The following TFCP2L1 variants were observed in gnomAD, a reference collection of about 807,000 sequenced individuals.
TFCP2L1 encodes the protein transcription factor CP2-like protein 1.
In TFCP2L1, 12 loss-of-function variants were observed where a neutral mutation model predicts 72.2. The observed-to-expected ratio is 0.17, with a 90% confidence interval of 0.11 to 0.27. The LOEUF is 0.27. Ranked by LOEUF, TFCP2L1 falls within the 10% of genes least tolerant of loss-of-function variation. The probability of loss-of-function intolerance (pLI) is 1.00; values close to 1 mark genes in which losing one functional copy is unlikely to be tolerated. For missense variants in TFCP2L1, 488 were observed against 624.6 expected, an observed-to-expected ratio of 0.78 and a Z score of 2.33; for synonymous variants, 260 against 251.0, an observed-to-expected ratio of 1.04 and a Z score of -0.34.
intron 2 of TFCP2L1, among the ~76,000 whole-genome samples, chr2:121,252,031 T>C (rs975196701): frequency 1.3e-5 from 2 of 152,128 alleles, no homozygotes; most frequent in African/African-American, 4.8e-5. Context: ...TATTCTATTG[T>C]ATTCTATTCC....
At chr2:121,242,916 T>G (rs557400567) in intron 6 of TFCP2L1, among the ~76,000 whole-genome samples, 2 of 152,346 alleles carry the variant, frequency 1.3e-5, no homozygotes, top group South Asian at 4.1e-4. Flanking sequence ...ACACTCTGTC[T>G]GCAGGGGAAC....
chr2:121,231,531 C>T (rs2104666712), intron 13 of TFCP2L1, among the ~76,000 whole-genome samples: 1 of 152,380 alleles, frequency 6.6e-6, no homozygotes, highest in African/African-American at 2.4e-5. Context: ...CCTCTCCTGA[C>T]CTCCACAGCC....
intron 2 of TFCP2L1, 101 bp from the exon 3 acceptor site, chr2:121,249,748 C>T: frequency 8.5e-7 from 1 of 1,181,196 alleles, no homozygotes; most frequent in East Asian, 2.3e-5. Flanking sequence ...CCCATCCAGG[C>T]CTCAAGGCCC....
intron 1 of TFCP2L1, among the ~76,000 whole-genome samples, chr2:121,284,119 T>A (rs1687318998): frequency 1.3e-5 from 2 of 152,252 alleles, no homozygotes; most frequent in African/African-American, 4.8e-5. Context: ...AAACTAGCAC[T>A]TAAAGGTAGC....
intron 2 of TFCP2L1, among the ~76,000 whole-genome samples, chr2:121,269,865 C>T (rs569212739): frequency 3.6e-5 from 5 of 140,274 alleles, no homozygotes; most frequent in South Asian, 2.3e-4. Context: ...GCAGAGATTG[C>T]GCCACTGCAC....
At chr2:121,245,286 G>A (rs755819854) in intron 6 of TFCP2L1, among the ~76,000 whole-genome samples, 4 of 152,136 alleles carry the variant, frequency 2.6e-5, no homozygotes, top group Non-Finnish European at 5.9e-5. Context: ...CAAGAGCCCC[G>A]CCCAGAGCCT....
chr2:121,271,892 A>T (rs1687054732), intron 2 of TFCP2L1, among the ~76,000 whole-genome samples: 1 of 152,096 alleles, frequency 6.6e-6, no homozygotes, highest in Admixed American at 6.6e-5. Context: ...GGAAAACAGG[A>T]GGGTTGGGGG....
At chr2:121,265,865 C>CTTT (rs559969459) in intron 2 of TFCP2L1, among the ~76,000 whole-genome samples, 1 of 131,614 alleles carries the variant, frequency 7.6e-6, no homozygotes, top group Non-Finnish European at 1.6e-5. Flanking sequence ...AAGTAGTAAT[C>CTTT]TTTTTTTTTT....
chr2:121,268,492 C>T (rs113252578), intron 2 of TFCP2L1, among the ~76,000 whole-genome samples: 5,250 of 152,078 alleles, frequency 0.035, 141 homozygotes, highest in East Asian at 0.14. Context: ...TGGCTGGGAC[C>T]ACAGGCGTGC....
intron 2 of TFCP2L1, among the ~76,000 whole-genome samples, chr2:121,280,778 A>G (rs927441019): frequency 4.0e-5 from 6 of 150,956 alleles, no homozygotes; most frequent in Admixed American, 6.6e-5. Context: ...GGAAAAAAAA[A>G]AAAAAAGAAA....
chr2:121,253,049 G>T lies in TFCP2L1; in HGVS notation c.215-3402C>A, dbSNP rs1295344183. On this transcript the variant is annotated intron_variant, in intron 2 of 14. Coordinates refer to ENST00000263707, the MANE Select transcript of TFCP2L1 (RefSeq NM_014553.3). ...CAACAATTTGATGCCAAATGCGGTG[G>T]GTGGGAATCCTAGGAACAGAGAGGC... is the stretch of plus-strand genomic sequence containing the variant. 3.9e-5 allele frequency among the ~76,000 whole-genome samples: 6 copies of T among 152,246 alleles called. No individual in the cohort carries two copies. The East Asian group carries it at 1.2e-3, about 29-fold the overall frequency.
At chr2:121,241,542 A>G (rs890825337) in intron 7 of TFCP2L1, among the ~76,000 whole-genome samples, 1 of 151,772 alleles carries the variant, frequency 6.6e-6, no homozygotes, top group Non-Finnish European at 1.5e-5. Context: ...CGAGCTCCTC[A>G]GGAGTTCCCA....
At position 121,218,470 on chromosome 2, in the gene TFCP2L1, G is replaced by A. The variant is rs1685872841; in HGVS notation, c.*5871C>T. ...GGATGAGGGGTGCGGAGCTGAGGATGTTGTTCTCTTTGATGAAGGCCTGAA... is the reference window on the plus strand; with the variant it reads ...GGATGAGGGGTGCGGAGCTGAGGATATTGTTCTCTTTGATGAAGGCCTGAA... On this transcript the variant is annotated 3_prime_UTR_variant, in exon 15 of 15. Coordinates refer to ENST00000263707, the MANE Select transcript of TFCP2L1 (RefSeq NM_014553.3). The A allele has an allele frequency of 6.6e-6, 1 of 152,504 alleles. No homozygotes were observed. Among genetic ancestry groups the A allele is most frequent in the Admixed American group, 6.5e-5 (1 of 15,284 alleles). The allele number at this position is 152,504 out of a possible 1,614,324, so 9.4% of individuals were successfully genotyped here. A position where few individuals can be genotyped will look rare whatever the true frequency, so the allele number is the denominator to read the frequency against.
chr2:121,282,033 A>G (rs1041091576), intron 1 of TFCP2L1, among the ~76,000 whole-genome samples: 4 of 151,986 alleles, frequency 2.6e-5, no homozygotes, highest in Admixed American at 2.6e-4. Flanking sequence ...CCCGGGTTCA[A>G]GCAATTCTTG....
chr2:121,257,714 C>A (rs1573383157), intron 2 of TFCP2L1, among the ~76,000 whole-genome samples: 1 of 152,236 alleles, frequency 6.6e-6, no homozygotes, highest in East Asian at 1.9e-4. Context: ...TCTGCCACTG[C>A]AGCCAGGAAG....
rs113899332 is a variant in TFCP2L1 at position 121,266,945 on chromosome 2, C to T, written c.214+14175G>A. On this transcript the variant is annotated intron_variant, in intron 2 of 14. Coordinates refer to ENST00000263707, the MANE Select transcript of TFCP2L1 (RefSeq NM_014553.3). ...TATTTATTTTTGAGATGGAGTCTCA[C>T]CCTGTTGCTCAGACTGGAGTGCAGT... Among the ~76,000 whole-genome samples, 79 of 151,564 alleles carry T rather than the reference C, an allele frequency of 5.2e-4. 1 individual carries two copies. Among genetic ancestry groups the T allele is most frequent in the African/African-American group, 1.9e-3 (79 of 41,260 alleles).
In TFCP2L1 at chr2:121,219,060, C is replaced by G. The variant is rs1685883305; in HGVS notation, c.*5281G>C. ...GACCGGTAAGATGACACAGAGCATGCAACCCGAGCGGAAGTGCCTGTGTGA... is the reference window on the plus strand; with the variant it reads ...GACCGGTAAGATGACACAGAGCATGGAACCCGAGCGGAAGTGCCTGTGTGA... On this transcript the variant is annotated 3_prime_UTR_variant, in exon 15 of 15. Coordinates refer to ENST00000263707, the MANE Select transcript of TFCP2L1 (RefSeq NM_014553.3). 6.6e-6 allele frequency: 1 copy of G among 152,366 alleles called. No homozygotes were observed. The highest frequency in any genetic ancestry group is 6.5e-5 in the Admixed American group (1 of 15,278). The allele number at this position is 152,366 out of a possible 1,614,324, so 9.4% of individuals were successfully genotyped here. A position where few individuals can be genotyped will look rare whatever the true frequency, so the allele number is the denominator to read the frequency against.
Position 121,285,193 on chromosome 2 carries a change from C to G in TFCP2L1, c.-84G>C. ...CCGAGGACCCAGCGGCGGCTTCGCG[C>G]TCCGAACCCGCGGTGCCGGCCGGCT... is the stretch of plus-strand genomic sequence containing the variant. On this transcript the variant is annotated 5_prime_UTR_variant, in exon 1 of 15. Coordinates refer to ENST00000263707, the MANE Select transcript of TFCP2L1 (RefSeq NM_014553.3). 1.6e-6 allele frequency: 2 copies of G among 1,221,296 alleles called. No individual in the cohort carries two copies. Among genetic ancestry groups the G allele is most frequent in the African/African-American group, 1.6e-5 (1 of 62,522 alleles). 75.7% of individuals were successfully genotyped at this position (1,221,296 alleles called of 1,614,324 possible). A position where few individuals can be genotyped will look rare whatever the true frequency, so the allele number is the denominator to read the frequency against.
intron 10 of TFCP2L1, among the ~76,000 whole-genome samples, chr2:121,237,294 A>T (rs1311258274): frequency 6.6e-6 from 1 of 152,190 alleles, no homozygotes; most frequent in African/African-American, 2.4e-5. Context: ...GAAAAGCATA[A>T]GGGGCCCTGC....
Sources: gnomAD v4.1 joint callset for allele counts (sites outside exome capture counted in the v4.1 genomes callset) on GRCh38, gnomAD v4.1.1 for gene constraint, MANE v1.5 for transcripts, NCBI Gene and HGNC (gene_info 2026-07-23, HGNC 2026-07-21) for gene names.